TAB2: variants seen among roughly 807,000 people sequenced by gnomAD.
TAB2 encodes the protein TGF-beta-activated kinase 1 and MAP3K7-binding protein 2.
A neutral mutation model predicts 65.0 loss-of-function variants in TAB2; 3 were observed. The observed-to-expected ratio is 0.05, with a 90% CI of 0.02 to 0.12. TAB2 has a LOEUF of 0.12. TAB2 is among the 10% of genes least tolerant of loss of function. The pLI is 1.00. For synonymous variants in TAB2, 298 were observed against 285.1 expected, an observed-to-expected ratio of 1.05 and a Z score of -0.46; for missense variants, 623 against 840.3, an observed-to-expected ratio of 0.74 and a Z score of 3.20.
Position 149,342,086 on chromosome 6 carries a change from A to G in TAB2, c.-90+24071A>G, listed in dbSNP as rs908191461. On this transcript the variant is annotated intron_variant, in intron 1 of 6. Transcript: ENST00000637181. ...CATTGAATCTATTTTGGTAATGGAA[A>G]AAAAGATTTTCCAGTGTGGTTAAGA... Among the ~76,000 whole-genome samples the G allele has an allele frequency of 2.0e-5, 3 of 152,188 alleles. No individual in the cohort carries two copies. The South Asian group carries it at 6.2e-4, about 32-fold the overall frequency.
intron 3 of TAB2, among the ~76,000 whole-genome samples, chr6:149,388,510 A>G (rs979516582): frequency 2.0e-5 from 3 of 152,220 alleles, no homozygotes; most frequent in African/African-American, 7.2e-5. Flanking sequence ...ACAAATGGGT[A>G]ACATTTTTGG....
At chr6:149,350,560 A>G (rs1207083944) in intron 1 of TAB2, among the ~76,000 whole-genome samples, 1 of 151,368 alleles carries the variant, frequency 6.6e-6, no homozygotes, top group Admixed American at 6.6e-5. Context: ...TGAGAAGTGA[A>G]CGTTATGTAT....
chr6:149,313,306 G>GC (rs1215881441), upstream of TAB2, among the ~76,000 whole-genome samples: 3 of 151,732 alleles, frequency 2.0e-5, no homozygotes, highest in Non-Finnish European at 4.4e-5. Context: ...TCCCACCTCA[G>GC]CTCTCTCTCT....
chr6:149,281,737 A>G (rs1778580011), intron 1 of TAB2, among the ~76,000 whole-genome samples: 1 of 152,036 alleles, frequency 6.6e-6, no homozygotes, highest in Non-Finnish European at 1.5e-5. Flanking sequence ...CAATTAAAAG[A>G]CAAAGATTCC....
At chr6:149,400,762 G>C in intron 6 of TAB2, 2 of 1,461,534 alleles carry the variant, frequency 1.4e-6, no homozygotes, top group Non-Finnish European at 1.9e-6. Flanking sequence ...ACTGCAATTT[G>C]GTTCCACCAC....
chr6:149,233,258 T>A (rs1777438251), intron 1 of TAB2, among the ~76,000 whole-genome samples: 1 of 152,178 alleles, frequency 6.6e-6, no homozygotes. Flanking sequence ...TGACCAAGAA[T>A]CTGTCATCCA....
chr6:149,249,444 GTC>G (rs1052572490), intron 1 of TAB2, among the ~76,000 whole-genome samples: 3 of 151,844 alleles, frequency 2.0e-5, no homozygotes, highest in Non-Finnish European at 2.9e-5. Flanking sequence ...CTCCATCTCT[GTC>G]TCTCTCTGTC....
At chr6:149,247,042 C>T (rs115148559) in intron 1 of TAB2, 1,726 of 153,042 alleles carry the variant, frequency 0.011, 30 homozygotes, top group African/African-American at 0.039. Flanking sequence ...ACCACCCAGC[C>T]GCCTCCCTTG....
chr6:149,249,596 C>A (rs1447658884), intron 1 of TAB2, among the ~76,000 whole-genome samples: 3 of 151,872 alleles, frequency 2.0e-5, no homozygotes, highest in Admixed American at 2.0e-4. Context: ...CTCCCTCTCT[C>A]TTTCTGTCTC....
intron 1 of TAB2, among the ~76,000 whole-genome samples, chr6:149,293,278 A>C (rs1367651719): frequency 6.6e-6 from 1 of 152,236 alleles, no homozygotes; most frequent in Non-Finnish European, 1.5e-5. Flanking sequence ...TATTCTCTGT[A>C]ATATAGTATA....
At chr6:149,400,247 G>A in intron 6 of TAB2, 1 of 851,758 alleles carries the variant, frequency 1.2e-6, no homozygotes, top group Non-Finnish European at 1.8e-6. Context: ...CAGCGGGAGG[G>A]GAGGGAGCCC....
At chr6:149,309,129 T>G (rs1350965517) in intron 1 of TAB2, among the ~76,000 whole-genome samples, 1 of 152,168 alleles carries the variant, frequency 6.6e-6, no homozygotes, top group African/African-American at 2.4e-5. Flanking sequence ...TTCCAAAAGT[T>G]TTTAAACTTC....
chr6:149,280,799 G>A (rs1232915567), intron 1 of TAB2, among the ~76,000 whole-genome samples: 2 of 152,002 alleles, frequency 1.3e-5, no homozygotes, highest in East Asian at 1.9e-4. Flanking sequence ...AGGCCTGGTG[G>A]CATGCACCTG....
intron 3 of TAB2, among the ~76,000 whole-genome samples, chr6:149,388,450 A>G (rs1389059999): frequency 6.6e-6 from 1 of 152,184 alleles, no homozygotes; most frequent in African/African-American, 2.4e-5. Flanking sequence ...GCCAATTTCA[A>G]TTTTGAGGCT....
At chr6:149,301,856 C>G (rs570825411) in intron 1 of TAB2, among the ~76,000 whole-genome samples, 1 of 152,248 alleles carries the variant, frequency 6.6e-6, no homozygotes, top group African/African-American at 2.4e-5. Context: ...CACTAAGCTA[C>G]TACTTTGGAA....
chr6:149,339,605 A>T (rs200939284), intron 1 of TAB2, among the ~76,000 whole-genome samples: 2,553 of 50,964 alleles, frequency 0.05, 164 homozygotes, highest in African/African-American at 0.071. Flanking sequence ...TTATTTATTT[A>T]TTTTTTTTTT....
upstream of TAB2, among the ~76,000 whole-genome samples, chr6:149,313,277 C>T (rs75594917): frequency 5.8e-3 from 879 of 152,148 alleles, 3 homozygotes; most frequent in Non-Finnish European, 8.8e-3. Flanking sequence ...GATCCTCCCA[C>T]CTCAGCCTCA....
At chr6:149,281,711 T>C (rs1465330960) in intron 1 of TAB2, among the ~76,000 whole-genome samples, 1 of 151,730 alleles carries the variant, frequency 6.6e-6, no homozygotes, top group East Asian at 1.9e-4. Context: ...TAAATGTAAA[T>C]GGGACCTAAA....
intron 6 of TAB2, among the ~76,000 whole-genome samples, chr6:149,403,287 CACACACACATAT>C (rs1307144585): frequency 9.3e-4 from 27 of 28,994 alleles, no homozygotes; most frequent in Admixed American, 3.7e-3. Flanking sequence ...TATATATACA[CACACACACATAT>C]ATATATATAT....
Sources: allele counts gnomAD v4.1 joint callset (sites outside exome capture counted in the v4.1 genomes callset), GRCh38; gene constraint gnomAD v4.1.1; transcripts MANE v1.5; gene names NCBI Gene and HGNC (gene_info 2026-07-23, HGNC 2026-07-21).